TNS3: variants seen among roughly 807,000 people sequenced by gnomAD.
The protein encoded by TNS3 is tensin 3, also known as tensin-3.
TNS3 carries 45 observed loss-of-function variants against 140.9 expected under a neutral mutation model. The observed-to-expected ratio is 0.32, with a 90% confidence interval of 0.25 to 0.41. The LOEUF (loss-of-function observed/expected upper bound fraction) is 0.41. Among genes scored for constraint, TNS3 ranks in the 10% least tolerant of loss-of-function variants. The pLI is 1.00. For missense variants in TNS3, 1,716 were observed against 1,906.7 expected (o/e 0.90, Z 1.86); for synonymous variants, 815 against 788.4 (o/e 1.03, Z -0.56).
At chr7:47,357,998 G>C (rs559889263) in intron 17 of TNS3, among the ~76,000 whole-genome samples, 1 of 152,102 alleles carries the variant, frequency 6.6e-6, no homozygotes, top group East Asian at 1.9e-4. Flanking sequence ...GGGGACCCCC[G>C]CCTGCCTCAC....
At chr7:47,543,374 G>C (rs1015063747) in intron 1 of TNS3, among the ~76,000 whole-genome samples, 5 of 152,240 alleles carry the variant, frequency 3.3e-5, no homozygotes, top group East Asian at 1.9e-4. Context: ...CTTTCGGTAC[G>C]TCAAGTCCCA....
chr7:47,542,549 C>T (rs1371070215), intron 1 of TNS3, among the ~76,000 whole-genome samples: 1 of 152,194 alleles, frequency 6.6e-6, no homozygotes, highest in Non-Finnish European at 1.5e-5. Context: ...CCCGTCGACA[C>T]GAAATCTGAC....
At chr7:47,527,185 C>T (rs571976424) in intron 2 of TNS3, among the ~76,000 whole-genome samples, 5 of 152,132 alleles carry the variant, frequency 3.3e-5, no homozygotes, top group African/African-American at 1.2e-4. Context: ...TGCAGTGAGC[C>T]GAGATCGCGC....
chr7:47,332,692 A>G (rs986078652), intron 20 of TNS3, among the ~76,000 whole-genome samples: 1 of 152,274 alleles, frequency 6.6e-6, no homozygotes, highest in African/African-American at 2.4e-5. Context: ...CCGTATTCAC[A>G]GGCTGAAATT....
At chr7:47,447,555 T>G (rs1054617969) in intron 4 of TNS3, among the ~76,000 whole-genome samples, 1 of 152,076 alleles carries the variant, frequency 6.6e-6, no homozygotes, top group African/African-American at 2.4e-5. Flanking sequence ...TGCGCTCATG[T>G]CCCGACCTCA....
chr7:47,529,528 C>G (rs764757822), intron 1 of TNS3, among the ~76,000 whole-genome samples: 1 of 152,192 alleles, frequency 6.6e-6, no homozygotes, highest in Admixed American at 6.5e-5. Flanking sequence ...GACTCTCAAC[C>G]CTTTTTCTTC....
intron 4 of TNS3, among the ~76,000 whole-genome samples, chr7:47,477,217 G>A (rs996841334): frequency 2.0e-5 from 3 of 152,186 alleles, no homozygotes; most frequent in Non-Finnish European, 4.4e-5. Context: ...AGGCCCAGGG[G>A]TTTCAAAACA....
intron 17 of TNS3, among the ~76,000 whole-genome samples, chr7:47,355,915 C>T (rs1334400112): frequency 6.6e-6 from 1 of 152,132 alleles, no homozygotes; most frequent in Non-Finnish European, 1.5e-5. Context: ...GGAGCGGACA[C>T]CCACCATGCT....
chr7:47,358,125 C>A (rs1040242162), intron 17 of TNS3, among the ~76,000 whole-genome samples: 47 of 151,746 alleles, frequency 3.1e-4, no homozygotes, highest in African/African-American at 1.1e-3. Context: ...ACCTTACTGG[C>A]CTCTTCCACT....
intron 3 of TNS3, among the ~76,000 whole-genome samples, chr7:47,499,695 G>A (rs1311277485): frequency 5.9e-5 from 9 of 152,210 alleles, no homozygotes; most frequent in East Asian, 1.9e-4. Flanking sequence ...AAAGGTCAGC[G>A]GCTGCCGGGG....
intron 23 of TNS3, 137 bp from the exon 24 acceptor site, chr7:47,297,350 G>C: frequency 9.4e-7 from 1 of 1,058,982 alleles, no homozygotes; most frequent in Middle Eastern, 3.1e-4. Flanking sequence ...GGATCCCTCT[G>C]CTTGGCTGGA....
rs1387984101 is a variant in TNS3, at chr7:47,328,261, T to G, written c.2650+16494A>C. ...GGAAAGAATCCCGGGATTGTTGAGC[T>G]GCTGCTGGCTGTCGCGGGCGGCCTG... On this transcript the variant is annotated intron_variant, in intron 20 of 30. Coordinates refer to ENST00000311160, the MANE Select transcript of TNS3 (RefSeq NM_022748.12). Among the ~76,000 whole-genome samples the G allele has an allele frequency of 2.0e-5, 3 of 152,218 alleles. No individual in the cohort carries two copies. In the East Asian group the frequency reaches 5.8e-4, roughly 29 times the overall value.
intron 9 of TNS3, among the ~76,000 whole-genome samples, chr7:47,427,151 G>C (rs1172665013): frequency 7.1e-6 from 1 of 140,680 alleles, no homozygotes; most frequent in Non-Finnish European, 1.5e-5. Flanking sequence ...AAAAACAGAA[G>C]TGCTCAGGTG....
intron 3 of TNS3, among the ~76,000 whole-genome samples, chr7:47,500,024 G>A (rs1798152327): frequency 6.6e-6 from 1 of 152,042 alleles, no homozygotes. Context: ...ATCTGAAACT[G>A]CTCTAAAAAT....
intron 13 of TNS3, among the ~76,000 whole-genome samples, chr7:47,408,497 G>A (rs1793572042): frequency 6.6e-6 from 1 of 152,136 alleles, no homozygotes; most frequent in East Asian, 1.9e-4. Context: ...CCAGAGGGAA[G>A]AGGCAGTGGC....
chr7:47,534,029 T>C (rs1383274486), intron 1 of TNS3, among the ~76,000 whole-genome samples: 1 of 152,082 alleles, frequency 6.6e-6, no homozygotes, highest in Non-Finnish European at 1.5e-5. Flanking sequence ...ATCCCAGCAT[T>C]TTGGGACGCC....
intron 27 of TNS3, among the ~76,000 whole-genome samples, chr7:47,287,631 G>A (rs369946251): frequency 1.3e-5 from 2 of 152,198 alleles, no homozygotes; most frequent in African/African-American, 2.4e-5. Context: ...AGGTGAAGAC[G>A]ACACTAGCTG....
chr7:47,377,800 T>TCCC (rs1332462589), intron 16 of TNS3, among the ~76,000 whole-genome samples: 1 of 109,800 alleles, frequency 9.1e-6, no homozygotes, highest in Non-Finnish European at 1.8e-5. Context: ...CATGCCCTCC[T>TCCC]CCCCCTCTTC....
intron 1 of TNS3, among the ~76,000 whole-genome samples, chr7:47,554,972 G>A (rs1278996494): frequency 6.6e-6 from 1 of 151,842 alleles, no homozygotes; most frequent in Non-Finnish European, 1.5e-5. Flanking sequence ...AGGTTGCAGT[G>A]AGCCGAGATT....
Sources: allele counts gnomAD v4.1 joint callset (sites outside exome capture counted in the v4.1 genomes callset), GRCh38; gene constraint gnomAD v4.1.1; transcripts MANE v1.5; gene names NCBI Gene and HGNC (gene_info 2026-07-23, HGNC 2026-07-21).